Variants in NCALD observed in about 807,000 individuals in gnomAD.
NCALD encodes the protein neurocalcin delta, also known as neurocalcin-delta.
A neutral mutation model predicts 18.6 loss-of-function variants in NCALD; 10 were observed. That is an observed-to-expected ratio of 0.54 (90% CI 0.33 to 0.91). The LOEUF (loss-of-function observed/expected upper bound fraction) is 0.91, where lower values mean the gene tolerates loss of function less well. NCALD is among the 40% of genes least tolerant of loss of function. The pLI is 0.03. For synonymous variants in NCALD, 88 were observed against 87.4 expected, an observed-to-expected ratio of 1.01 and a Z score of -0.04; for missense variants, 184 against 247.6, an observed-to-expected ratio of 0.74 and a Z score of 1.72.
chr8:101,790,241 G>A (rs536803204), intron 1 of NCALD, among the ~76,000 whole-genome samples: 3 of 152,264 alleles, frequency 2.0e-5, no homozygotes, highest in Non-Finnish European at 4.4e-5. Flanking sequence ...CATGTAAAAG[G>A]TTCCACCCCA....
intron 1 of NCALD, among the ~76,000 whole-genome samples, chr8:101,780,694 A>G (rs74939319): frequency 0.027 from 4,184 of 152,284 alleles, 92 homozygotes; most frequent in Middle Eastern, 0.048. Flanking sequence ...TGAAACGTAC[A>G]CATAAAGATG....
At chr8:101,843,582 G>GTTTTTTTTTTTTTTTT (rs369393213) in intron 4 of NCALD, among the ~76,000 whole-genome samples, 58 of 125,130 alleles carry the variant, frequency 4.6e-4, no homozygotes, top group African/African-American at 8.5e-4. Flanking sequence ...TTTAAAAATT[G>GTTTTTTTTTTTTTTTT]TTTTTTTTTT....
chr8:101,944,527 T>C (rs532667161), intron 2 of NCALD, among the ~76,000 whole-genome samples: 4 of 152,314 alleles, frequency 2.6e-5, no homozygotes, highest in South Asian at 4.1e-4. Flanking sequence ...AAATCACTAA[T>C]AGTAATGGCA....
chr8:102,031,646 C>T (rs539210421), intron 1 of NCALD, among the ~76,000 whole-genome samples: 7 of 152,170 alleles, frequency 4.6e-5, no homozygotes, highest in African/African-American at 1.2e-4. Context: ...TCCTTGAAAA[C>T]GTGAAAAATC....
At chr8:101,764,726 G>A (rs548769913) in intron 1 of NCALD, among the ~76,000 whole-genome samples, 7 of 152,320 alleles carry the variant, frequency 4.6e-5, no homozygotes, top group African/African-American at 1.7e-4. Context: ...ACTTCACTGT[G>A]GTGGCAGGTG....
At chr8:102,064,731 T>C (rs1236870189) in intron 1 of NCALD, among the ~76,000 whole-genome samples, 1 of 152,162 alleles carries the variant, frequency 6.6e-6, no homozygotes, top group Non-Finnish European at 1.5e-5. Flanking sequence ...GTTCTAATGA[T>C]ATGAAATGTA....
intron 1 of NCALD, chr8:101,786,081 T>A (rs868464124): frequency 6.6e-6 from 1 of 152,292 alleles, no homozygotes; most frequent in Non-Finnish European, 1.5e-5. Flanking sequence ...CAGTTAATAG[T>A]ACATATAGGT....
At chr8:101,934,161 G>C (rs1478833402) in intron 2 of NCALD, among the ~76,000 whole-genome samples, 1 of 152,124 alleles carries the variant, frequency 6.6e-6, no homozygotes, top group East Asian at 1.9e-4. Flanking sequence ...AAATAGTCAT[G>C]GTTTCTGTCC....
chr8:101,728,616 C>G (rs955654469), intron 1 of NCALD, among the ~76,000 whole-genome samples: 5 of 152,048 alleles, frequency 3.3e-5, no homozygotes, highest in African/African-American at 1.2e-4. Flanking sequence ...GTCAGAAGAT[C>G]GAGACCATCC....
chr8:101,695,026 A>G (rs1381729840), intron 2 of NCALD, among the ~76,000 whole-genome samples: 1 of 152,206 alleles, frequency 6.6e-6, no homozygotes, highest in Non-Finnish European at 1.5e-5. Context: ...TGACATAGTC[A>G]AAATGGAATC....
intron 1 of NCALD, among the ~76,000 whole-genome samples, chr8:101,754,311 T>C (rs2387617): frequency 0.01 from 1,545 of 152,176 alleles, 25 homozygotes; most frequent in African/African-American, 0.034. Context: ...TACAATATCT[T>C]ACAACAGCTC....
At position 102,053,005 on chromosome 8, in the gene NCALD, C is replaced by G. The variant is rs181920756; in HGVS notation, c.-209-32716G>C. On this transcript the variant is annotated intron_variant, in intron 1 of 6. Transcript: ENST00000311028. ...TATTGGGCCAGACTGAGCCCACAGG[C>G]CAGAGTTTGCCCTAAAAGAAATCTC... 2.7e-4 allele frequency among the ~76,000 whole-genome samples: 41 copies of G among 152,294 alleles called. No individual in the cohort carries two copies. In the East Asian group the frequency reaches 7.9e-3, roughly 29 times the overall value.
chr8:101,953,494 CA>C (rs1233175071), intron 2 of NCALD, among the ~76,000 whole-genome samples: 1 of 152,186 alleles, frequency 6.6e-6, no homozygotes, highest in Non-Finnish European at 1.5e-5. Context: ...AGATGACAAG[CA>C]ATTATCAAAC....
intron 4 of NCALD, among the ~76,000 whole-genome samples, chr8:101,869,835 T>C (rs1009808767): frequency 3.9e-5 from 6 of 152,352 alleles, no homozygotes; most frequent in African/African-American, 1.4e-4. Context: ...ATGTATTTGT[T>C]ATAAAATCAT....
intron 1 of NCALD, among the ~76,000 whole-genome samples, chr8:101,741,541 T>C (rs1357287707): frequency 1.3e-5 from 2 of 151,930 alleles, no homozygotes; most frequent in Non-Finnish European, 2.9e-5. Flanking sequence ...GCCTTCCTCA[T>C]TGAAGATACA....
At chr8:101,737,936 G>A (rs1398144171) in intron 1 of NCALD, among the ~76,000 whole-genome samples, 3 of 152,186 alleles carry the variant, frequency 2.0e-5, no homozygotes, top group Non-Finnish European at 2.9e-5. Flanking sequence ...ATGAACCAGA[G>A]GGCAGCTGAA....
chr8:101,843,628 G>A (rs1693519199), intron 4 of NCALD, among the ~76,000 whole-genome samples: 1 of 135,422 alleles, frequency 7.4e-6, no homozygotes, highest in Non-Finnish European at 1.5e-5. Context: ...ACAGGCTGGA[G>A]TGCAGTGGCA....
At chr8:102,101,260 T>C (rs1441161308) in intron 1 of NCALD, among the ~76,000 whole-genome samples, 1 of 152,346 alleles carries the variant, frequency 6.6e-6, no homozygotes, top group South Asian at 2.1e-4. Flanking sequence ...CCCAGTATTA[T>C]ATGTGGATAT....
chr8:102,116,563 G>A (rs542252908), intron 1 of NCALD, among the ~76,000 whole-genome samples: 2 of 152,244 alleles, frequency 1.3e-5, no homozygotes, highest in Admixed American at 1.3e-4. Context: ...GCTCACTGCC[G>A]CCTCCACCTC....
Sources: gnomAD v4.1 joint callset for allele counts (sites outside exome capture counted in the v4.1 genomes callset) on GRCh38, gnomAD v4.1.1 for gene constraint, MANE v1.5 for transcripts, NCBI Gene and HGNC (gene_info 2026-07-23, HGNC 2026-07-21) for gene names.